RGS5: variants seen among roughly 807,000 people sequenced by gnomAD.
The protein encoded by RGS5 is regulator of G protein signaling 5, also known as regulator of G-protein signalling 5.
Under a neutral mutation model 18.9 loss-of-function variants are expected in RGS5, and 20 were observed. That is an observed-to-expected ratio of 1.06 (90% CI 0.74 to 1.54). RGS5 has a LOEUF of 1.54. Ranked by LOEUF, RGS5 falls within the 40% of genes most tolerant of loss-of-function variation. The pLI, the probability that RGS5 is intolerant of heterozygous loss-of-function variation, is 0.00. For missense variants in RGS5, 201 were observed against 211.8 expected, an observed-to-expected ratio of 0.95 and a Z score of 0.32; for synonymous variants, 57 against 76.2, an observed-to-expected ratio of 0.75 and a Z score of 1.31.
intron 2 of RGS5, among the ~76,000 whole-genome samples, chr1:163,276,429 T>C (rs74843500): frequency 0.45 from 67,813 of 151,482 alleles, 15,464 homozygotes; most frequent in African/African-American, 0.5. Context: ...ATGAGTTGTT[T>C]AGATAGATAG....
At chr1:163,229,280 G>T (rs1412993418) in intron 2 of RGS5, among the ~76,000 whole-genome samples, 2 of 152,142 alleles carry the variant, frequency 1.3e-5, no homozygotes, top group African/African-American at 2.4e-5. Flanking sequence ...GGCAGCAGGG[G>T]AGAGAATGAG....
chr1:163,201,275 C>A (rs1010701610), intron 1 of RGS5, among the ~76,000 whole-genome samples: 12 of 152,058 alleles, frequency 7.9e-5, no homozygotes, highest in Admixed American at 4.6e-4. Context: ...GTTTTCTGTG[C>A]GTTTCTGGAA....
At chr1:163,313,510 G>A (rs904525286) in intron 1 of RGS5, among the ~76,000 whole-genome samples, 1 of 152,162 alleles carries the variant, frequency 6.6e-6, no homozygotes, top group Non-Finnish European at 1.5e-5. Context: ...ATAGAGTCAG[G>A]AATGAGACAA....
intron 2 of RGS5, among the ~76,000 whole-genome samples, chr1:163,255,331 T>C (rs1648241372): frequency 6.6e-6 from 1 of 152,156 alleles, no homozygotes; most frequent in African/African-American, 2.4e-5. Context: ...CGTTGATCAG[T>C]GGTTTGCAGT....
chr1:163,305,393 TTTTCCGTGTGGGGG>T (rs1649669191), intron 2 of RGS5: 1 of 152,528 alleles, frequency 6.6e-6, no homozygotes, highest in Non-Finnish European at 1.5e-5. Flanking sequence ...TGCAATCTTT[TTTTCCGTGTGGGGG>T]TTCCCTCTCT....
rs969660616 is a variant in RGS5, at chr1:163,142,972, TTTG to T, written c.*4367_*4369del. 3.3e-5 allele frequency: 5 copies of T among 152,152 alleles called. No homozygotes were observed. Among genetic ancestry groups the T allele is most frequent in the Admixed American group, 2.0e-4 (3 of 15,264 alleles). The allele number at this position is 152,152 out of a possible 1,614,324, so 9.4% of individuals were successfully genotyped here. A position where few individuals can be genotyped will look rare whatever the true frequency, so the allele number is the denominator to read the frequency against. The stretch of plus-strand genomic sequence containing the variant: ...TGAGTTGAGAATAATATTCCAAATG[TTTG>T]TTGTTGTCGTTGTTGTTGCCGTGGC... On this transcript the variant is annotated 3_prime_UTR_variant, in exon 5 of 5. Coordinates refer to ENST00000313961, the MANE Select transcript of RGS5 (RefSeq NM_003617.4).
chr1:163,188,875 C>T (rs1334444884), intron 1 of RGS5, among the ~76,000 whole-genome samples: 1 of 148,214 alleles, frequency 6.7e-6, no homozygotes, highest in Non-Finnish European at 1.5e-5. Context: ...ATCGCTTAAA[C>T]CTGGGAGACA....
intron 2 of RGS5, among the ~76,000 whole-genome samples, chr1:163,285,605 G>A (rs1649122888): frequency 6.6e-6 from 1 of 151,964 alleles, no homozygotes; most frequent in South Asian, 2.1e-4. Flanking sequence ...ATAAAAACAT[G>A]GTTCAGCTCT....
intron 2 of RGS5, among the ~76,000 whole-genome samples, chr1:163,239,411 G>A (rs533500899): frequency 1.5e-3 from 228 of 151,560 alleles, no homozygotes; most frequent in African/African-American, 5.2e-3. Flanking sequence ...TCTAGAACCT[G>A]GGAGGCGGAG....
intron 2 of RGS5, among the ~76,000 whole-genome samples, chr1:163,290,099 C>T (rs1649242493): frequency 1.3e-5 from 2 of 152,102 alleles, no homozygotes; most frequent in Non-Finnish European, 2.9e-5. Context: ...CTTCTTTGTA[C>T]GCTATGCAAA....
chr1:163,176,959 A>T lies in RGS5; in HGVS notation c.45-8591T>A, dbSNP rs1053282544. 3.9e-5 allele frequency among the ~76,000 whole-genome samples: 6 copies of T among 152,212 alleles called. No individual in the cohort carries two copies. In the East Asian group the frequency reaches 1.2e-3, roughly 29 times the overall value. On this transcript the variant is annotated intron_variant, in intron 1 of 4. Transcript: ENST00000313961. ...CATTCACATCTCAACAGTGGTCAGC[A>T]AACTCTTTAGAAAGACCATGCTCCA...
At chr1:163,155,153 C>T (rs2102386200) in intron 3 of RGS5, among the ~76,000 whole-genome samples, 1 of 152,140 alleles carries the variant, frequency 6.6e-6, no homozygotes, top group East Asian at 1.9e-4. Context: ...AAGTCTGTGA[C>T]AAATTTATTC....
intron 2 of RGS5, among the ~76,000 whole-genome samples, chr1:163,245,844 TA>T (rs1384722907): frequency 6.6e-6 from 1 of 152,232 alleles, no homozygotes; most frequent in African/African-American, 2.4e-5. Flanking sequence ...AGTTGAGGTA[TA>T]ATAATCTTCT....
At position 163,147,216 on chromosome 1, in the gene RGS5, TG is replaced by T; in HGVS notation, c.*125del. 1.0e-6 allele frequency: 1 copy of T among 996,610 alleles called. No homozygotes were observed. The highest frequency in any genetic ancestry group is 1.4e-6 in the Non-Finnish European group (1 of 712,542). The allele number at this position is 996,610 out of a possible 1,614,324, so 61.7% of individuals were successfully genotyped here. Reference sequence around the variant, plus strand: ...GGCAAAAAGAGTAAGCAACATCCCCTGGGATTTTTCCCATGTGGGTATCACT... The same window carrying T: ...GGCAAAAAGAGTAAGCAACATCCCCTGGATTTTTCCCATGTGGGTATCACT... On this transcript the variant is annotated 3_prime_UTR_variant, in exon 5 of 5. Coordinates refer to ENST00000313961, the MANE Select transcript of RGS5 (RefSeq NM_003617.4).
chr1:163,180,488 TAC>T (rs1387990039), intron 1 of RGS5, among the ~76,000 whole-genome samples: 4 of 152,100 alleles, frequency 2.6e-5, no homozygotes, highest in Non-Finnish European at 5.9e-5. Flanking sequence ...AACTTCAGTG[TAC>T]ACCCAAATCA....
chr1:163,279,005 T>G (rs187671033), intron 2 of RGS5, among the ~76,000 whole-genome samples: 1 of 152,078 alleles, frequency 6.6e-6, no homozygotes, highest in African/African-American at 2.4e-5. Flanking sequence ...TTTAAATACA[T>G]GCATCCAGAG....
chr1:163,221,730 A>G (rs1647232016), upstream of RGS5, among the ~76,000 whole-genome samples: 2 of 152,216 alleles, frequency 1.3e-5, no homozygotes, highest in East Asian at 3.9e-4. Context: ...TAAAGTTACT[A>G]TATCTAGAAC....
At chr1:163,283,337 A>C (rs1649044127) in intron 2 of RGS5, among the ~76,000 whole-genome samples, 2 of 152,190 alleles carry the variant, frequency 1.3e-5, no homozygotes, top group Non-Finnish European at 2.9e-5. Context: ...CAAGGTGATA[A>C]ATATACTAAT....
chr1:163,274,384 C>T (rs540115363), intron 2 of RGS5, among the ~76,000 whole-genome samples: 14 of 152,306 alleles, frequency 9.2e-5, no homozygotes, highest in South Asian at 8.3e-4. Context: ...TGCATTCATA[C>T]GCCAAAAGGG....
Sources: gnomAD v4.1 joint callset for allele counts (sites outside exome capture counted in the v4.1 genomes callset) on GRCh38, gnomAD v4.1.1 for gene constraint, MANE v1.5 for transcripts, NCBI Gene and HGNC (gene_info 2026-07-23, HGNC 2026-07-21) for gene names.